USH2A: variants seen among roughly 807,000 people sequenced by gnomAD.
USH2A encodes Usher syndrome 2A (autosomal recessive, mild).
In USH2A, 443 loss-of-function variants were observed where a neutral mutation model predicts 538.9. The ratio of observed to expected loss-of-function variants is 0.82; its 90% confidence interval spans 0.76 to 0.89. The LOEUF is 0.89. Ranked by LOEUF, USH2A falls within the 40% of genes least tolerant of loss-of-function variation. The pLI, the probability that USH2A is intolerant of heterozygous loss-of-function variation, is 0.00. For synonymous variants in USH2A, 2,413 were observed against 2,273.5 expected (o/e 1.06, Z -1.75); for missense variants, 6,633 against 6,324.8 (o/e 1.05, Z -1.65).
intron 5 of USH2A, among the ~76,000 whole-genome samples, chr1:216,326,910 T>C (rs2037743161): frequency 6.6e-6 from 1 of 152,142 alleles, no homozygotes; most frequent in African/African-American, 2.4e-5. Context: ...TATTATACCA[T>C]GATATCATAA....
intron 37 of USH2A, among the ~76,000 whole-genome samples, chr1:215,958,883 C>T (rs1472948113): frequency 3.9e-5 from 6 of 152,076 alleles, no homozygotes; most frequent in African/African-American, 1.4e-4. Context: ...CCCCTAGCAA[C>T]TGTTGGAAAA....
At chr1:216,353,131 C>T (rs1007229102) in intron 4 of USH2A, among the ~76,000 whole-genome samples, 1 of 151,650 alleles carries the variant, frequency 6.6e-6, no homozygotes, top group East Asian at 1.9e-4. Context: ...TAATAACTGG[C>T]CATGAAACTT....
intron 61 of USH2A, among the ~76,000 whole-genome samples, chr1:215,696,207 T>G (rs1571965997): frequency 6.6e-6 from 1 of 152,332 alleles, no homozygotes; most frequent in Non-Finnish European, 1.5e-5. Context: ...AAAAAGTTAT[T>G]AAGAAAATCA....
intron 58 of USH2A, among the ~76,000 whole-genome samples, chr1:215,758,342 G>A (rs1053651878): frequency 6.6e-5 from 10 of 151,360 alleles, no homozygotes; most frequent in African/African-American, 2.4e-4. Flanking sequence ...GTACTTGAAA[G>A]TGTTGCTTTC....
intron 64 of USH2A, among the ~76,000 whole-genome samples, chr1:215,662,410 A>G (rs1240060459): frequency 6.6e-6 from 1 of 152,228 alleles, no homozygotes; most frequent in African/African-American, 2.4e-5. Flanking sequence ...CCATCTTCAC[A>G]TGGATAACTT....
chr1:215,667,015 G>A (rs914031756), intron 64 of USH2A, among the ~76,000 whole-genome samples: 5 of 152,036 alleles, frequency 3.3e-5, no homozygotes, highest in South Asian at 4.2e-4. Context: ...TGACTGAACC[G>A]GGGAGTTGGA....
intron 41 of USH2A, among the ~76,000 whole-genome samples, chr1:215,884,177 T>C (rs1330626473): frequency 6.6e-6 from 1 of 152,188 alleles, no homozygotes; most frequent in Non-Finnish European, 1.5e-5. Context: ...ATGGCACATG[T>C]ATACCTATGT....
At chr1:216,158,640 G>A (rs766368825) in intron 21 of USH2A, among the ~76,000 whole-genome samples, 4 of 152,126 alleles carry the variant, frequency 2.6e-5, no homozygotes, top group African/African-American at 4.8e-5. Flanking sequence ...CTTATAGTTA[G>A]TCTTGATACA....
At chr1:215,983,890 A>C (rs1452379968) in intron 35 of USH2A, among the ~76,000 whole-genome samples, 1 of 152,320 alleles carries the variant, frequency 6.6e-6, no homozygotes, top group South Asian at 2.1e-4. Flanking sequence ...TTATGTTTTT[A>C]GAGGAAAGGG....
At chr1:216,013,020 A>G (rs1385293634) in intron 32 of USH2A, among the ~76,000 whole-genome samples, 8 of 152,128 alleles carry the variant, frequency 5.3e-5, no homozygotes, top group Admixed American at 5.2e-4. Flanking sequence ...ACATCTCCTC[A>G]TGCTATCCCC....
At position 215,888,518 on chromosome 1, in the gene USH2A, T is replaced by G; in HGVS notation, c.8131A>C (p.Ser2711Arg). 14 of 1,614,192 alleles carry G rather than the reference T, an allele frequency of 8.7e-6. No individual in the cohort carries two copies. The highest frequency in any genetic ancestry group is 1.2e-5 in the Non-Finnish European group (14 of 1,180,022). ...GTGGTAACTTCTACCCAAGCACTGCTGTTTGTGCCTCCATGAAGAGTGCTC... is the reference window on the plus strand; with the variant it reads ...GTGGTAACTTCTACCCAAGCACTGCGGTTTGTGCCTCCATGAAGAGTGCTC... ...LMSTLHGGTNSSAWVEVTTRP... is the reference protein window; with the variant it reads ...LMSTLHGGTNRSAWVEVTTRP... Residue 2711 changes from serine (S) to arginine (R), a missense_variant, in exon 41 of 72, where the codon AGC becomes CGC. Physicochemically the swap from Ser to Arg is moderately radical, Grantham distance 110. Coordinates refer to ENST00000307340, the MANE Select transcript of USH2A (RefSeq NM_206933.4).
intron 14 of USH2A, among the ~76,000 whole-genome samples, chr1:216,230,950 A>G (rs2035666026): frequency 6.6e-6 from 1 of 151,630 alleles, no homozygotes; most frequent in Admixed American, 6.6e-5. Context: ...CACATCTTCA[A>G]AAATACAGCA....
intron 60 of USH2A, among the ~76,000 whole-genome samples, chr1:215,740,828 C>T (rs1660279025): frequency 6.6e-6 from 1 of 152,130 alleles, no homozygotes; most frequent in South Asian, 2.1e-4. Context: ...TATTCCACCT[C>T]AGATCATCAG....
At chr1:216,410,693 T>G (rs902130256) in intron 3 of USH2A, among the ~76,000 whole-genome samples, 3 of 152,186 alleles carry the variant, frequency 2.0e-5, no homozygotes. Flanking sequence ...TCTGATTCTC[T>G]TCCAGTATTT....
chr1:216,259,312 G>A (rs2036320568), intron 11 of USH2A, among the ~76,000 whole-genome samples: 2 of 152,096 alleles, frequency 1.3e-5, no homozygotes, highest in South Asian at 4.1e-4. Context: ...GGGAAAAAAA[G>A]ATGTGTTTTA....
Position 215,900,070 on chromosome 1 carries a change from C to T in USH2A, c.7594+5G>A. 6.2e-7 allele frequency: 1 copy of T among 1,613,616 alleles called. No individual in the cohort carries two copies. Among genetic ancestry groups the T allele is most frequent in the Non-Finnish European group, 8.5e-7 (1 of 1,179,682 alleles). On this transcript the variant is annotated splice_donor_5th_base_variant and intron_variant, in intron 40 of 71. Coordinates refer to ENST00000307340, the MANE Select transcript of USH2A (RefSeq NM_206933.4). ...ATTTGGCTGTGTATTGTTCAGACCA[C>T]TTACTGTCCTCTGCGGTCATGAATG...
At chr1:215,942,755 T>C (rs1430100212) in intron 37 of USH2A, among the ~76,000 whole-genome samples, 1 of 152,134 alleles carries the variant, frequency 6.6e-6, no homozygotes, top group Non-Finnish European at 1.5e-5. Flanking sequence ...CCTAACTTTG[T>C]TCCCAGAGGA....
At chr1:215,993,192 A>T (rs1164066901) in intron 34 of USH2A, 25 bp from the exon 35 acceptor site, 1 of 1,613,930 alleles carries the variant, frequency 6.2e-7, no homozygotes, top group Non-Finnish European at 8.5e-7. Flanking sequence ...AAAAATGCTC[A>T]TTTCACTCTT....
At chr1:215,867,248 T>C in intron 43 of USH2A, 78 bp from the exon 44 acceptor site, 1 of 1,487,622 alleles carries the variant, frequency 6.7e-7, no homozygotes, top group Non-Finnish European at 9.2e-7. Context: ...CTTTTTTTCT[T>C]CACAAAATAC....
Sources: gnomAD v4.1 joint callset for allele counts (sites outside exome capture counted in the v4.1 genomes callset) on GRCh38, gnomAD v4.1.1 for gene constraint, MANE v1.5 for transcripts, NCBI Gene and HGNC (gene_info 2026-07-23, HGNC 2026-07-21) for gene names.